The following RXRA variants were observed in gnomAD, a reference collection of about 807,000 sequenced individuals.
RXRA encodes retinoic acid receptor RXR-alpha.
Under a neutral mutation model 44.5 loss-of-function variants are expected in RXRA, and 5 were observed. The observed-to-expected ratio is 0.11, with a 90% confidence interval of 0.06 to 0.24. RXRA has a LOEUF of 0.24. RXRA is among the 10% of genes least tolerant of loss of function. The probability of loss-of-function intolerance (pLI) is 1.00; values close to 1 mark genes in which losing one functional copy is unlikely to be tolerated. For synonymous variants in RXRA, 291 were observed against 271.4 expected (o/e 1.07, Z -0.71); for missense variants, 412 against 646.5 (o/e 0.64, Z 3.93).
chr9:134,366,251 G>A lies in RXRA; in HGVS notation c.29-35381G>A, dbSNP rs540889651. 4.6e-5 allele frequency among the ~76,000 whole-genome samples: 7 copies of A among 152,212 alleles called. No homozygotes were observed. Among genetic ancestry groups the A allele is most frequent in the Admixed American group, 3.3e-4 (5 of 15,288 alleles). ...GAGGGTGTCTTCAGCACAGGTGCCCGCTGGGTGGTCTCCCATGTGTGCCCA... is the reference window on the plus strand; with the variant it reads ...GAGGGTGTCTTCAGCACAGGTGCCCACTGGGTGGTCTCCCATGTGTGCCCA... On this transcript the variant is annotated intron_variant, in intron 1 of 9. Transcript: ENST00000481739. The surrounding 1 kb of genome is among the most constrained non-coding windows in gnomAD (Gnocchi z 5.9).
At chr9:134,390,089 C>T (rs972747859) in intron 1 of RXRA, among the ~76,000 whole-genome samples, 4 of 152,158 alleles carry the variant, frequency 2.6e-5, no homozygotes, top group African/African-American at 7.2e-5. Flanking sequence ...GGCAGCAGGC[C>T]GGAGCCTGCG....
At chr9:134,436,302 C>T (rs1185000944) in intron 9 of RXRA, among the ~76,000 whole-genome samples, 165 bp from the exon 10 acceptor site, 2 of 152,204 alleles carry the variant, frequency 1.3e-5, no homozygotes, top group Non-Finnish European at 2.9e-5. Flanking sequence ...CTTCTAGCCT[C>T]CCCTCCTTCC....
At chr9:134,422,301 C>G in intron 6 of RXRA, 1 of 1,289,092 alleles carries the variant, frequency 7.8e-7, no homozygotes, top group Non-Finnish European at 1.0e-6. Context: ...TCCTGGGACG[C>G]TCCCCTTTCC....
chr9:134,327,266 C>T (rs1235768415), intron 1 of RXRA, among the ~76,000 whole-genome samples: 1 of 152,116 alleles, frequency 6.6e-6, no homozygotes, highest in African/African-American at 2.4e-5. Context: ...GAAATGGGGC[C>T]CCTCACTCTG....
chr9:134,430,113 C>T (rs35784994), intron 7 of RXRA, among the ~76,000 whole-genome samples: 1 of 152,224 alleles, frequency 6.6e-6, no homozygotes, highest in Non-Finnish European at 1.5e-5. Flanking sequence ...GTCTCGATCT[C>T]CTGACCTCGT....
intron 1 of RXRA, among the ~76,000 whole-genome samples, chr9:134,387,805 A>G (rs1203500930): frequency 6.6e-6 from 1 of 152,196 alleles, no homozygotes; most frequent in Non-Finnish European, 1.5e-5. Flanking sequence ...CTCTGGGCTC[A>G]GCTTCTCCCC....
In RXRA at chr9:134,365,344, G is replaced by C. The variant is rs1470565593; in HGVS notation, c.29-36288G>C. On this transcript the variant is annotated intron_variant, in intron 1 of 9. Coordinates refer to ENST00000481739, the MANE Select transcript of RXRA (RefSeq NM_002957.6). This position sits in a 1 kb window ranked among gnomAD's most constrained non-coding sequence, Gnocchi z 4.0. ...CGCGTCCCTGGGTGAGTGACCAGGC[G>C]GCCTTGGGTCTCTGGTGAGCTCAGG... Among the ~76,000 whole-genome samples, 1 of 152,246 alleles carries C rather than the reference G, an allele frequency of 6.6e-6. No homozygotes were observed. The highest frequency in any genetic ancestry group is 1.9e-4 in the East Asian group (1 of 5,202).
intron 1 of RXRA, among the ~76,000 whole-genome samples, chr9:134,386,251 T>C (rs1180321471): frequency 6.6e-6 from 1 of 152,238 alleles, no homozygotes; most frequent in Non-Finnish European, 1.5e-5. Context: ...TGTGGGACCC[T>C]GAGCCCGCCG....
chr9:134,423,188 C>G (rs561027588), intron 6 of RXRA: 49 of 985,296 alleles, frequency 5.0e-5, no homozygotes, highest in Non-Finnish European at 5.8e-5. Context: ...GCTGTGAGGC[C>G]AGGCTGTTAG....
intron 2 of RXRA, among the ~76,000 whole-genome samples, chr9:134,406,553 G>A (rs1428105432): frequency 6.6e-6 from 1 of 152,204 alleles, no homozygotes; most frequent in Non-Finnish European, 1.5e-5. Context: ...CCGCCTCTGG[G>A]GCCTCCAGTG....
chr9:134,414,089 C>T (rs1831195016), intron 4 of RXRA, among the ~76,000 whole-genome samples: 2 of 152,266 alleles, frequency 1.3e-5, no homozygotes, highest in Admixed American at 1.3e-4. Flanking sequence ...AAGCATAAAT[C>T]CCGGCCCCTC....
chr9:134,409,926 C>T (rs1419394703), intron 4 of RXRA, among the ~76,000 whole-genome samples: 1 of 152,196 alleles, frequency 6.6e-6, no homozygotes, highest in Non-Finnish European at 1.5e-5. Context: ...CCTCTGTCCT[C>T]TGCTGTGCTG....
At chr9:134,371,515 GTC>G (rs975065034) in intron 1 of RXRA, among the ~76,000 whole-genome samples, 2 of 152,012 alleles carry the variant, frequency 1.3e-5, no homozygotes, top group African/African-American at 4.8e-5. Flanking sequence ...TGGGGGCACC[GTC>G]TCTTTCCATA....
chr9:134,363,357 CCA>C, intron 1 of RXRA, among the ~76,000 whole-genome samples: 1 of 152,336 alleles, frequency 6.6e-6, no homozygotes, highest in Non-Finnish European at 1.5e-5. Flanking sequence ...TCCACCCACC[CCA>C]TTTTCCTGAG....
At chr9:134,350,554 C>T (rs1472937344) in intron 1 of RXRA, among the ~76,000 whole-genome samples, 2 of 152,216 alleles carry the variant, frequency 1.3e-5, no homozygotes, top group Admixed American at 6.5e-5. Flanking sequence ...AGGCCCCAGA[C>T]GATGCCGCAT....
rs577080287 is a variant in RXRA at position 134,349,730 on chromosome 9, G to C, written c.28+23071G>C. Reference sequence around the variant, plus strand: ...AATGCCTGTCTCCCTGGAGGCGCAGGGCTGTGCACAGGATTCCCCAGGGCT... The same window carrying C: ...AATGCCTGTCTCCCTGGAGGCGCAGCGCTGTGCACAGGATTCCCCAGGGCT... On this transcript the variant is annotated intron_variant, in intron 1 of 9. Coordinates refer to ENST00000481739, the MANE Select transcript of RXRA (RefSeq NM_002957.6). The surrounding 1 kb of genome is among the most constrained non-coding windows in gnomAD (Gnocchi z 4.3). 4.7e-4 allele frequency among the ~76,000 whole-genome samples: 72 copies of C among 152,076 alleles called. No individual in the cohort carries two copies. The highest frequency in any genetic ancestry group is 1.6e-3 in the African/African-American group (68 of 41,502).
rs372680230 is a variant in RXRA, at chr9:134,340,219, C to T, written c.28+13560C>T. Among the ~76,000 whole-genome samples, 98 of 152,262 alleles carry T rather than the reference C, an allele frequency of 6.4e-4. 1 individual carries two copies. In the East Asian group the frequency reaches 0.018, roughly 28 times the overall value. On this transcript the variant is annotated intron_variant, in intron 1 of 9. Transcript: ENST00000481739. ...TCCAGGTTTGAGACTGGCCACTGCC[C>T]GTGCTGTCCGGCTCCCTCCTTAGCT... is the stretch of plus-strand genomic sequence containing the variant.
intron 1 of RXRA, among the ~76,000 whole-genome samples, chr9:134,347,543 G>A (rs564745280): frequency 1.6e-3 from 250 of 152,356 alleles, no homozygotes; most frequent in Middle Eastern, 0.01. Flanking sequence ...ACCCCTGTCC[G>A]GAGGAGCACA....
chr9:134,385,138 G>A (rs770210756), intron 1 of RXRA, among the ~76,000 whole-genome samples: 1 of 152,226 alleles, frequency 6.6e-6, no homozygotes, highest in African/African-American at 2.4e-5. Flanking sequence ...GCCTGTTGTG[G>A]ACAGAGCTGG....
Sources: gnomAD v4.1 joint callset for allele counts (sites outside exome capture counted in the v4.1 genomes callset) on GRCh38, gnomAD v4.1.1 for gene constraint, Gnocchi (gnomAD v3.1) non-coding constraint, MANE v1.5 for transcripts, NCBI Gene and HGNC (gene_info 2026-07-23, HGNC 2026-07-21) for gene names.